The following LARP4B variants were observed in gnomAD, a reference collection of about 807,000 sequenced individuals.
LARP4B encodes the protein La ribonucleoprotein 4B.
A neutral mutation model predicts 89.8 loss-of-function variants in LARP4B; 12 were observed. That is an observed-to-expected ratio of 0.13 (90% confidence interval 0.09 to 0.22). LARP4B has a LOEUF of 0.22. Ranked by LOEUF, LARP4B falls within the 10% of genes least tolerant of loss-of-function variation. The pLI is 1.00. For synonymous variants in LARP4B, 367 were observed against 363.3 expected (o/e 1.01, Z -0.12); for missense variants, 757 against 947.7 (o/e 0.80, Z 2.64).
chr10:985,074 C>A, the LARP4B span, among the ~76,000 whole-genome samples: 1 of 152,176 alleles, frequency 6.6e-6, no homozygotes, highest in Non-Finnish European at 1.5e-5. Flanking sequence ...TTGTGTCTCT[C>A]CAGCTGTGTG....
chr10:870,876 C>A (rs185347346), intron 3 of LARP4B, among the ~76,000 whole-genome samples: 1 of 152,220 alleles, frequency 6.6e-6, no homozygotes, highest in South Asian at 2.1e-4. Flanking sequence ...ACTGGATTAA[C>A]ACTTGGACTG....
the LARP4B span, among the ~76,000 whole-genome samples, chr10:970,756 G>A: frequency 4.6e-5 from 7 of 151,996 alleles, no homozygotes; most frequent in East Asian, 5.8e-4. Context: ...CTGTAAGACC[G>A]GACTGAGCAT....
rs74118450 is a variant in LARP4B at position 870,421 on chromosome 10, G to A, written c.142-6151C>T. ...TGTCTTTGCTGTCCACGGGGACAGC[G>A]GGAATCCCCTGCGCTGCATCGCAGG... On this transcript the variant is annotated intron_variant, in intron 3 of 17. Transcript: ENST00000316157. Among the ~76,000 whole-genome samples the A allele has an allele frequency of 3.2e-3, 484 of 152,292 alleles. 5 individuals are homozygous for A. The highest frequency in any genetic ancestry group is 0.011 in the African/African-American group (468 of 41,562).
chr10:860,336 G>C (rs1343896092), intron 5 of LARP4B, among the ~76,000 whole-genome samples: 1 of 152,080 alleles, frequency 6.6e-6, no homozygotes, highest in South Asian at 2.1e-4. Flanking sequence ...AGGTCATAAG[G>C]GTCATAAGGA....
the LARP4B span, among the ~76,000 whole-genome samples, chr10:985,045 G>A: frequency 6.6e-6 from 1 of 152,202 alleles, no homozygotes; most frequent in African/African-American, 2.4e-5. Flanking sequence ...GGAGTTCCAT[G>A]CGCCCTGAAC....
At chr10:936,162 C>T (rs1830746255), upstream of LARP4B, among the ~76,000 whole-genome samples, 3 of 152,256 alleles carry the variant, frequency 2.0e-5, no homozygotes, top group Admixed American at 2.0e-4. Flanking sequence ...AACAAATATT[C>T]ACTGAGTACC....
the LARP4B span, among the ~76,000 whole-genome samples, chr10:979,054 G>A: frequency 1.3e-5 from 2 of 152,034 alleles, no homozygotes; most frequent in African/African-American, 4.8e-5. Context: ...CCTTTCAGTT[G>A]CTTTTAACAA....
At chr10:937,808 C>T in the LARP4B span, among the ~76,000 whole-genome samples, 1 of 152,166 alleles carries the variant, frequency 6.6e-6, no homozygotes, top group African/African-American at 2.4e-5. Flanking sequence ...CATGGGCAAA[C>T]CTAGATTAGC....
At chr10:897,055 G>A (rs1836208627) in intron 1 of LARP4B, among the ~76,000 whole-genome samples, 1 of 150,884 alleles carries the variant, frequency 6.6e-6, no homozygotes, top group Non-Finnish European at 1.5e-5. Context: ...GAAATGCAAG[G>A]GACCCAGAAT....
chr10:874,961 C>T (rs1056306369), intron 3 of LARP4B, among the ~76,000 whole-genome samples: 3 of 152,278 alleles, frequency 2.0e-5, no homozygotes, highest in East Asian at 1.9e-4. Context: ...TAACAACCCC[C>T]AAGGTAGATA....
At chr10:889,638 A>C (rs1835958179) in intron 1 of LARP4B, among the ~76,000 whole-genome samples, 1 of 152,216 alleles carries the variant, frequency 6.6e-6, no homozygotes, top group South Asian at 2.1e-4. Flanking sequence ...TCTAGACACT[A>C]AACTTCACAT....
Position 829,469 on chromosome 10 carries a change from G to A in LARP4B, c.1041C>T (p.Tyr347=). Residue 347 remains tyrosine, a synonymous_variant, in exon 11 of 18, where the codon TAC becomes TAT. Coordinates refer to ENST00000316157, the MANE Select transcript of LARP4B (RefSeq NM_015155.3). ...YATSFYFPPM[Y]SPQQQFPLYS... ...ACAGGGGGAACTGCTGCTGGGGGCT[G>A]TACATGGGAGGGAAGTAGAACGACG... 2 of 1,614,186 alleles carry A rather than the reference G, an allele frequency of 1.2e-6. No individual in the cohort carries two copies. The highest frequency in any genetic ancestry group is 8.5e-7 in the Non-Finnish European group (1 of 1,180,028).
At chr10:969,269 G>A in the LARP4B span, among the ~76,000 whole-genome samples, 1 of 152,116 alleles carries the variant, frequency 6.6e-6, no homozygotes, top group East Asian at 1.9e-4. Flanking sequence ...TTACCTTCCC[G>A]GTTTGTTCTC....
intron 5 of LARP4B, among the ~76,000 whole-genome samples, chr10:850,964 A>G (rs918855187): frequency 6.6e-6 from 1 of 152,180 alleles, no homozygotes; most frequent in African/African-American, 2.4e-5. Context: ...ATTCTGCTTA[A>G]GCACTACTTA....
the LARP4B span, among the ~76,000 whole-genome samples, chr10:967,411 G>A: frequency 0.022 from 3,399 of 152,182 alleles, 61 homozygotes; most frequent in Non-Finnish European, 0.036. Flanking sequence ...AATGCCAACC[G>A]CAAAAGAAAG....
upstream of LARP4B, among the ~76,000 whole-genome samples, chr10:936,762 A>G (rs1230868653): frequency 6.6e-6 from 1 of 152,148 alleles, no homozygotes; most frequent in Non-Finnish European, 1.5e-5. Flanking sequence ...CTATGAGGCA[A>G]GAAAGACCCT....
At chr10:847,576 TA>T (rs1833837919) in intron 5 of LARP4B, among the ~76,000 whole-genome samples, 2 of 151,882 alleles carry the variant, frequency 1.3e-5, no homozygotes, top group Admixed American at 6.6e-5. Context: ...TGGAGTGCAG[TA>T]GCGCGATCTT....
upstream of LARP4B, among the ~76,000 whole-genome samples, chr10:934,792 G>A (rs1393031768): frequency 6.6e-6 from 1 of 152,150 alleles, no homozygotes; most frequent in Non-Finnish European, 1.5e-5. Context: ...TACAAATTCT[G>A]TCAATCCTAC....
the LARP4B span, among the ~76,000 whole-genome samples, chr10:952,276 C>T: frequency 3.8e-5 from 5 of 132,132 alleles, no homozygotes; most frequent in Non-Finnish European, 1.5e-5. Flanking sequence ...GGAGGTGGAG[C>T]TTGCAGTGAG....
Sources: allele counts gnomAD v4.1 joint callset (sites outside exome capture counted in the v4.1 genomes callset), GRCh38; gene constraint gnomAD v4.1.1; transcripts MANE v1.5; gene names NCBI Gene and HGNC (gene_info 2026-07-23, HGNC 2026-07-21).